THRAP3: variants seen among roughly 807,000 people sequenced by gnomAD.
THRAP3 encodes thyroid hormone receptor associated protein 3, also known as thyroid hormone receptor-associated protein 3.
In THRAP3, 16 loss-of-function variants were observed where a neutral mutation model predicts 101.0. The observed-to-expected ratio is 0.16, with a 90% CI of 0.11 to 0.24. The LOEUF (loss-of-function observed/expected upper bound fraction) is 0.24, where lower values mean the gene tolerates loss of function less well. Among genes scored for constraint, THRAP3 ranks in the 10% least tolerant of loss-of-function variants. The pLI is 1.00. For synonymous variants in THRAP3, 407 were observed against 422.6 expected, an observed-to-expected ratio of 0.96 and a Z score of 0.45; for missense variants, 989 against 1,202.7, an observed-to-expected ratio of 0.82 and a Z score of 2.63.
At chr1:36,251,517 A>T (rs975331886) in intron 1 of THRAP3, among the ~76,000 whole-genome samples, 1 of 152,334 alleles carries the variant, frequency 6.6e-6, no homozygotes, top group Admixed American at 6.5e-5. Flanking sequence ...GACTCATTCA[A>T]CCTGGAATTA....
At position 36,236,143 on chromosome 1, in the gene THRAP3, T is replaced by C. The variant is rs1645085129; in HGVS notation, c.-135+11638T>C. ...GGCAGGTGCCTGTAGTCCCAGCTACTTGGGAGGCAGAGGTTGCAGTGAGCC... is the reference window on the plus strand; with the variant it reads ...GGCAGGTGCCTGTAGTCCCAGCTACCTGGGAGGCAGAGGTTGCAGTGAGCC... On this transcript the variant is annotated intron_variant, in intron 1 of 11. Transcript: ENST00000354618. 2.0e-5 allele frequency among the ~76,000 whole-genome samples: 3 copies of C among 151,366 alleles called. No homozygotes were observed. In the South Asian group the frequency reaches 6.3e-4, roughly 32 times the overall value.
At chr1:36,267,058 A>G (rs965041089) in intron 2 of THRAP3, among the ~76,000 whole-genome samples, 1 of 151,820 alleles carries the variant, frequency 6.6e-6, no homozygotes, top group Non-Finnish European at 1.5e-5. Context: ...ATTTTTTTGT[A>G]TTTTTAGTAG....
chr1:36,284,295 T>TA (rs1312988386), intron 3 of THRAP3, among the ~76,000 whole-genome samples: 1 of 152,226 alleles, frequency 6.6e-6, no homozygotes, highest in African/African-American at 2.4e-5. Flanking sequence ...AGGAAGGCAG[T>TA]ATGTGCTGGG....
rs1557447990 is a variant in THRAP3, at chr1:36,286,986, A to G, written c.756A>G (p.Lys252=). 5 of 1,614,230 alleles carry G rather than the reference A, an allele frequency of 3.1e-6. No homozygotes were observed. In the Admixed American group the frequency reaches 8.3e-5, roughly 27 times the overall value. ...CTCGGGAGCGAAGCCCAGCTCTCAAAAGCCCCCTCCAGTCTGTGGTGGTGA... is the reference window on the plus strand; with the variant it reads ...CTCGGGAGCGAAGCCCAGCTCTCAAGAGCCCCCTCCAGTCTGTGGTGGTGA... ...LSPRERSPAL[K]SPLQSVVVRR... The change falls in exon 4 of 12, where the codon AAA becomes AAG. Residue 252 remains lysine, a synonymous_variant. Transcript: ENST00000354618. The surrounding 1 kb of genome is among the most constrained non-coding windows in gnomAD (Gnocchi z 5.5).
At chr1:36,269,967 C>T (rs1040043926) in intron 2 of THRAP3, among the ~76,000 whole-genome samples, 6 of 152,180 alleles carry the variant, frequency 3.9e-5, no homozygotes, top group South Asian at 2.1e-4. Context: ...CACACTTGTT[C>T]GGATTTTGAC....
intron 1 of THRAP3, among the ~76,000 whole-genome samples, chr1:36,227,723 T>C (rs1644977854): frequency 1.3e-5 from 2 of 151,780 alleles, no homozygotes; most frequent in African/African-American, 4.8e-5. Flanking sequence ...AGCAAGAAAA[T>C]AGAGATGGAA....
Position 36,289,121 on chromosome 1 carries a change from G to T in THRAP3, c.1102G>T (p.Asp368Tyr), listed in dbSNP as rs779156598. The change falls in exon 5 of 12, where the codon GAT (aspartate) becomes TAT (tyrosine). Residue 368 changes from aspartate to tyrosine, a missense_variant. By Grantham distance (160) the Asp-to-Tyr change is radical. Transcript: ENST00000354618. ...TAAGGAACAGAAACAAACAAATACC[G>T]ATAAAGAAAAAATAAAAGAGAAAGG... ...KDKEQKQTNT[D>Y]KEKIKEKGSF... 1 of 1,610,856 alleles carries T rather than the reference G, an allele frequency of 6.2e-7. No homozygotes were observed. The highest frequency in any genetic ancestry group is 1.1e-5 in the South Asian group (1 of 90,330).
At chr1:36,292,920 C>T (rs769810843) in intron 7 of THRAP3, among the ~76,000 whole-genome samples, 5 of 152,004 alleles carry the variant, frequency 3.3e-5, no homozygotes, top group Non-Finnish European at 5.9e-5. Context: ...CTGAGGAAAA[C>T]AGCTCTCTTG....
At position 36,251,788 on chromosome 1, in the gene THRAP3, A is replaced by G. The variant is rs140160430; in HGVS notation, c.-134-7594A>G. Among the ~76,000 whole-genome samples the G allele has an allele frequency of 1.6e-3, 243 of 152,304 alleles. 1 individual carries two copies. Among genetic ancestry groups the G allele is most frequent in the African/African-American group, 5.7e-3 (236 of 41,552 alleles). ...AAGCACTTTTCTGAGAACTTTATAC[A>G]TATATTAATTTATTCGGTGTTCAAC... On this transcript the variant is annotated intron_variant, in intron 1 of 11. Coordinates refer to ENST00000354618, the MANE Select transcript of THRAP3 (RefSeq NM_005119.4).
chr1:36,302,010 G>T (rs1646036261), intron 11 of THRAP3, among the ~76,000 whole-genome samples: 1 of 152,140 alleles, frequency 6.6e-6, no homozygotes. Flanking sequence ...CATTTCTGTG[G>T]ATACAGCCAT....
Position 36,304,967 on chromosome 1 carries a change from G to A in THRAP3, c.*950G>A, listed in dbSNP as rs1212815765. 1 of 210,010 alleles carries A rather than the reference G, an allele frequency of 4.8e-6. No homozygotes were observed. The highest frequency in any genetic ancestry group is 2.3e-5 in the African/African-American group (1 of 43,822). The allele number at this position is 210,010 out of a possible 1,614,324, so 13.0% of individuals were successfully genotyped here. A position where few individuals can be genotyped will look rare whatever the true frequency, so the allele number is the denominator to read the frequency against. On this transcript the variant is annotated 3_prime_UTR_variant, in exon 12 of 12. Transcript: ENST00000354618. ...ACTCCTATGATCGATTAAGGAAGGT[G>A]GTTATGGCTGGGTGGTTCAGGGGTT...
intron 11 of THRAP3, among the ~76,000 whole-genome samples, chr1:36,303,058 G>C (rs189807851): frequency 5.3e-4 from 80 of 151,592 alleles, no homozygotes; most frequent in African/African-American, 1.9e-3. Context: ...CAGTTCTCCT[G>C]CGTCAGCTTC....
intron 2 of THRAP3, among the ~76,000 whole-genome samples, chr1:36,275,576 G>A (rs1645648466): frequency 9.0e-6 from 1 of 111,042 alleles, no homozygotes; most frequent in Non-Finnish European, 1.7e-5. Flanking sequence ...GACAGAGCAA[G>A]ACTCTGTCTC....
intron 1 of THRAP3, among the ~76,000 whole-genome samples, chr1:36,228,003 G>C (rs902133215): frequency 1.4e-5 from 2 of 147,208 alleles, no homozygotes; most frequent in Non-Finnish European, 3.0e-5. Context: ...AGCCTCCCAA[G>C]TAGCTGGGGT....
In THRAP3 at chr1:36,289,749, A is replaced by T. The variant is rs2124608639; in HGVS notation, c.1730A>T (p.Asp577Val). 1.9e-6 allele frequency: 3 copies of T among 1,609,570 alleles called. No individual in the cohort carries two copies. The highest frequency in any genetic ancestry group is 2.5e-6 in the Non-Finnish European group (3 of 1,178,090). ...AQVNVRMDSFDEDLARPSGLL... is the reference protein window; with the variant it reads ...AQVNVRMDSFVEDLARPSGLL... ...GTCAATGTCCGGATGGACTCTTTTG[A>T]TGAGGACCTCGCACGGTGAGATATG... Residue 577 changes from aspartate to valine, a missense_variant, in exon 5 of 12, where the codon GAT (aspartate) becomes GTT (valine). Physicochemically the swap from Asp to Val is radical, Grantham distance 152 (BLOSUM62 -3). Transcript: ENST00000354618.
chr1:36,260,639 G>A (rs1479352015), intron 2 of THRAP3, among the ~76,000 whole-genome samples: 1 of 151,814 alleles, frequency 6.6e-6, no homozygotes, highest in Non-Finnish European at 1.5e-5. Context: ...TGGCTAACAC[G>A]GTGAAACCCC....
At chr1:36,228,489 C>T (rs534657932) in intron 1 of THRAP3, among the ~76,000 whole-genome samples, 5 of 152,272 alleles carry the variant, frequency 3.3e-5, no homozygotes, top group South Asian at 4.1e-4. Flanking sequence ...CCCAAAGTGT[C>T]GGGAAAGGTG....
chr1:36,299,570 G>A (rs942830691), intron 9 of THRAP3, among the ~76,000 whole-genome samples: 2 of 150,734 alleles, frequency 1.3e-5, no homozygotes, highest in Non-Finnish European at 3.0e-5. Flanking sequence ...ATATGATCTC[G>A]GCTCACTGCA....
Position 36,286,985 on chromosome 1 carries a change from A to G in THRAP3, c.755A>G (p.Lys252Arg), listed in dbSNP as rs376140033. ...CCTCGGGAGCGAAGCCCAGCTCTCA[A>G]AAGCCCCCTCCAGTCTGTGGTGGTG... ...LSPRERSPAL[K>R]SPLQSVVVRR... Residue 252 changes from lysine to arginine, a missense_variant, in exon 4 of 12, where the codon AAA becomes AGA. By Grantham distance (26) the Lys-to-Arg change is conservative. Coordinates refer to ENST00000354618, the MANE Select transcript of THRAP3 (RefSeq NM_005119.4). The surrounding 1 kb of genome is among the most constrained non-coding windows in gnomAD (Gnocchi z 5.5). 6.2e-6 allele frequency: 10 copies of G among 1,614,232 alleles called. No individual in the cohort carries two copies. The African/African-American group carries it at 1.3e-4, about 22-fold the overall frequency.
Sources: gnomAD v4.1 joint callset for allele counts (sites outside exome capture counted in the v4.1 genomes callset) on GRCh38, gnomAD v4.1.1 for gene constraint, Gnocchi (gnomAD v3.1) non-coding constraint, MANE v1.5 for transcripts, NCBI Gene and HGNC (gene_info 2026-07-23, HGNC 2026-07-21) for gene names.